WWOX: variants seen among roughly 807,000 people sequenced by gnomAD.
WWOX encodes WW domain containing oxidoreductase, also known as WW domain-containing oxidoreductase.
WWOX carries 69 observed loss-of-function variants against 46.2 expected under a neutral mutation model. The ratio of observed to expected loss-of-function variants is 1.49; its 90% confidence interval spans 1.23 to 1.82. The LOEUF is 1.82. WWOX is among the 40% of genes most tolerant of loss of function. WWOX has a pLI of 0.00. For missense variants in WWOX, 919 were observed against 542.6 expected (o/e 1.69, Z -6.89); for synonymous variants, 359 against 202.6 (o/e 1.77, Z -6.56).
chr16:78,845,176 C>G (rs2052266405), intron 8 of WWOX, among the ~76,000 whole-genome samples: 1 of 141,898 alleles, frequency 7.0e-6, no homozygotes, highest in Admixed American at 7.1e-5. Context: ...CTTCTATGGA[C>G]TGGTCTTAAA....
At chr16:78,280,594 A>G (rs908947878) in intron 5 of WWOX, among the ~76,000 whole-genome samples, 1 of 150,994 alleles carries the variant, frequency 6.6e-6, no homozygotes. Context: ...GAAACTTACA[A>G]TCATGGCAGA....
intron 2 of WWOX, among the ~76,000 whole-genome samples, 173 bp downstream of exon 2, chr16:78,108,660 A>C (rs528008724): frequency 6.6e-6 from 1 of 152,288 alleles, no homozygotes; most frequent in Non-Finnish European, 1.5e-5. Flanking sequence ...ATGAGATCAT[A>C]GGGTGGAGTG....
intron 8 of WWOX, among the ~76,000 whole-genome samples, chr16:78,932,637 C>A (rs573413009): frequency 6.6e-6 from 1 of 152,204 alleles, no homozygotes; most frequent in African/African-American, 2.4e-5. Context: ...GAAAGAGAAG[C>A]CTGCAGCTGC....
intron 8 of WWOX, among the ~76,000 whole-genome samples, chr16:78,946,744 G>A (rs1567667690): frequency 1.3e-5 from 2 of 151,364 alleles, no homozygotes; most frequent in Admixed American, 6.6e-5. Context: ...GGGCCATATG[G>A]ATGCAGTGGT....
At chr16:78,823,454 C>T (rs953510097) in intron 8 of WWOX, among the ~76,000 whole-genome samples, 1 of 152,212 alleles carries the variant, frequency 6.6e-6, no homozygotes, top group African/African-American at 2.4e-5. Context: ...CGCTTATCAT[C>T]ACCTGAATGT....
intron 8 of WWOX, among the ~76,000 whole-genome samples, chr16:78,508,112 A>G (rs1479190751): frequency 1.3e-5 from 2 of 151,562 alleles, no homozygotes; most frequent in African/African-American, 4.9e-5. Context: ...GGTTCAAGCA[A>G]TTCTCCGTGT....
At chr16:79,003,407 C>T (rs565900470) in intron 8 of WWOX, among the ~76,000 whole-genome samples, 1 of 152,162 alleles carries the variant, frequency 6.6e-6, no homozygotes, top group Non-Finnish European at 1.5e-5. Flanking sequence ...CACCGTGAGG[C>T]CTCTTCCGCT....
At chr16:78,881,153 T>C (rs1013335584) in intron 8 of WWOX, among the ~76,000 whole-genome samples, 5 of 151,896 alleles carry the variant, frequency 3.3e-5, no homozygotes, top group Admixed American at 2.6e-4. Context: ...CCACCATGCC[T>C]GCCCAATTTT....
chr16:78,334,693 A>G (rs1351982874), intron 5 of WWOX, among the ~76,000 whole-genome samples: 7 of 152,038 alleles, frequency 4.6e-5, no homozygotes, highest in African/African-American at 7.3e-5. Context: ...AAAAAGCCAC[A>G]TTGTTTTTAA....
intron 8 of WWOX, among the ~76,000 whole-genome samples, chr16:79,119,947 G>A (rs763518274): frequency 9.2e-5 from 14 of 152,194 alleles, no homozygotes; most frequent in Non-Finnish European, 1.8e-4. Context: ...AATGGTTCAG[G>A]GGCCGTGGAA....
chr16:78,552,942 G>C (rs1252460355), intron 8 of WWOX: 1 of 152,322 alleles, frequency 6.6e-6, no homozygotes, highest in African/African-American at 2.4e-5. Context: ...AAGCCCCAGG[G>C]TTGGGCAGGA....
chr16:78,370,980 C>CTCT (rs560255203), intron 5 of WWOX, among the ~76,000 whole-genome samples: 1 of 134,394 alleles, frequency 7.4e-6, no homozygotes, highest in Non-Finnish European at 1.6e-5. Context: ...GTTGTGATTT[C>CTCT]TTTTTTTTTT....
intron 8 of WWOX, among the ~76,000 whole-genome samples, chr16:78,626,711 T>C (rs2046319823): frequency 1.3e-5 from 2 of 152,166 alleles, no homozygotes; most frequent in Admixed American, 1.3e-4. Flanking sequence ...GGGGATTTAA[T>C]GTTCTCACTC....
At chr16:78,469,353 AC>A (rs2084165334) in intron 8 of WWOX, among the ~76,000 whole-genome samples, 1 of 152,214 alleles carries the variant, frequency 6.6e-6, no homozygotes, top group South Asian at 2.1e-4. Flanking sequence ...ACTATAAGTT[AC>A]AAAGGCAGAC....
rs555378210 is a variant in WWOX at position 79,212,004 on chromosome 16, C to G, written c.*208C>G. On this transcript the variant is annotated 3_prime_UTR_variant, in exon 9 of 9. Transcript: ENST00000566780. ...AAAGTATCACTTTTCTGGGGCTGGG[C>G]TAGGCATAGGTCTCTTTGCTTTCTG... 5.9e-6 allele frequency: 9 copies of G among 1,536,030 alleles called. No homozygotes were observed. Among genetic ancestry groups the G allele is most frequent in the Admixed American group, 3.9e-5 (2 of 50,974 alleles).
At chr16:78,856,293 C>G (rs935206908) in intron 8 of WWOX, among the ~76,000 whole-genome samples, 1 of 152,094 alleles carries the variant, frequency 6.6e-6, no homozygotes, top group Non-Finnish European at 1.5e-5. Flanking sequence ...GTAGGGGCAC[C>G]GAAAGCTTTA....
At chr16:78,377,384 A>C (rs771723216) in intron 5 of WWOX, among the ~76,000 whole-genome samples, 1 of 152,226 alleles carries the variant, frequency 6.6e-6, no homozygotes, top group East Asian at 1.9e-4. Context: ...GCTATTTTAT[A>C]TGCCATTATA....
At chr16:78,485,370 C>G (rs72799963) in intron 8 of WWOX, among the ~76,000 whole-genome samples, 5 of 152,064 alleles carry the variant, frequency 3.3e-5, no homozygotes, top group East Asian at 1.9e-4. Flanking sequence ...TTTTGACTCC[C>G]TAAGGAACCC....
intron 8 of WWOX, among the ~76,000 whole-genome samples, chr16:78,745,102 C>G (rs938239559): frequency 6.6e-6 from 1 of 152,124 alleles, no homozygotes; most frequent in African/African-American, 2.4e-5. Flanking sequence ...AAAAAACTGA[C>G]TATAGGAGCC....
Sources: gnomAD v4.1 joint callset for allele counts (sites outside exome capture counted in the v4.1 genomes callset) on GRCh38, gnomAD v4.1.1 for gene constraint, MANE v1.5 for transcripts, NCBI Gene and HGNC (gene_info 2026-07-23, HGNC 2026-07-21) for gene names.